ANKRD62: variants seen among roughly 807,000 people sequenced by gnomAD.
ANKRD62 encodes the protein ankyrin repeat domain-containing protein 62.
In ANKRD62, 61 loss-of-function variants were observed where a neutral mutation model predicts 98.8. The observed-to-expected ratio is 0.62, with a 90% CI of 0.50 to 0.76. The LOEUF (loss-of-function observed/expected upper bound fraction) is 0.76. Ranked by LOEUF, ANKRD62 falls within the 30% of genes least tolerant of loss-of-function variation. The probability of loss-of-function intolerance (pLI) is 0.00; values close to 1 mark genes in which losing one functional copy is unlikely to be tolerated. For synonymous variants in ANKRD62, 341 were observed against 367.9 expected (o/e 0.93, Z 0.84); for missense variants, 933 against 1,082.9 (o/e 0.86, Z 1.94).
At chr18:12,167,813 G>A in the ANKRD62 span, among the ~76,000 whole-genome samples, 1 of 152,178 alleles carries the variant, frequency 6.6e-6, no homozygotes, top group South Asian at 2.1e-4. Flanking sequence ...TGACTTTAAG[G>A]ATTGCCATTC....
intron 8 of ANKRD62, among the ~76,000 whole-genome samples, chr18:12,112,110 T>TGAAAAAA (rs1318094455): frequency 1.2e-5 from 1 of 81,870 alleles, no homozygotes; most frequent in Non-Finnish European, 2.1e-5. Flanking sequence ...AGACTCCAAC[T>TGAAAAAA]CAAAAAAAAA....
At chr18:12,158,673 A>G in the ANKRD62 span, among the ~76,000 whole-genome samples, 1 of 146,178 alleles carries the variant, frequency 6.8e-6, no homozygotes, top group Non-Finnish European at 1.5e-5. Context: ...ACAGGCGCCC[A>G]CCATCATGCC....
the ANKRD62 span, among the ~76,000 whole-genome samples, chr18:12,171,131 A>G: frequency 1.3e-5 from 2 of 152,128 alleles, no homozygotes; most frequent in South Asian, 2.1e-4. Context: ...CATTTAGCCC[A>G]TTTACATTTA....
intron 8 of ANKRD62, among the ~76,000 whole-genome samples, chr18:12,109,039 A>G (rs1356867760): frequency 6.6e-6 from 1 of 152,160 alleles, no homozygotes; most frequent in Non-Finnish European, 1.5e-5. Context: ...GGTGCACAGT[A>G]TGAGCTGTCA....
chr18:12,158,362 G>A, the ANKRD62 span, among the ~76,000 whole-genome samples: 6 of 152,110 alleles, frequency 3.9e-5, no homozygotes, highest in African/African-American at 1.4e-4. Context: ...GTTTCTGTCT[G>A]TTAACTATCA....
At chr18:12,171,502 G>A in the ANKRD62 span, among the ~76,000 whole-genome samples, 2 of 152,216 alleles carry the variant, frequency 1.3e-5, no homozygotes, top group Non-Finnish European at 2.9e-5. Context: ...TCTGCCGAGA[G>A]ATCCGCTGTT....
chr18:12,165,083 G>A, the ANKRD62 span, among the ~76,000 whole-genome samples: 1 of 151,792 alleles, frequency 6.6e-6, no homozygotes, highest in Non-Finnish European at 1.5e-5. Context: ...TCTGATATAA[G>A]TATAGCTATT....
At chr18:12,095,653 T>C in intron 3 of ANKRD62, 43 bp downstream of exon 3, 1 of 1,426,712 alleles carries the variant, frequency 7.0e-7, no homozygotes, top group Non-Finnish European at 9.2e-7. Context: ...TCAAGTATAT[T>C]TGTTTTACCA....
At chr18:12,094,276 G>A (rs2143887669) in intron 1 of ANKRD62, 41 bp downstream of exon 1, 1 of 1,469,468 alleles carries the variant, frequency 6.8e-7, no homozygotes. Context: ...TGGGGATATG[G>A]GAGAAGCCCC....
chr18:12,115,373 CAG>C lies in ANKRD62; in HGVS notation c.1099-19_1099-18del. 4.0e-6 allele frequency: 6 copies of C among 1,513,186 alleles called. No individual in the cohort carries two copies. Among genetic ancestry groups the C allele is most frequent in the African/African-American group, 1.4e-5 (1 of 72,170 alleles). The allele number at this position is 1,513,186 out of a possible 1,614,324, so 93.7% of individuals were successfully genotyped here. ...TAAATATTTCGAGGGCATTTTGAAA[CAG>C]TGTTATTTATTTTATAGGTTAAAAG... On this transcript the variant is annotated intron_variant, in intron 9 of 13. Coordinates refer to ENST00000587848, the MANE Select transcript of ANKRD62 (RefSeq NM_001277333.2).
the ANKRD62 span, among the ~76,000 whole-genome samples, chr18:12,161,362 A>G: frequency 6.6e-6 from 1 of 152,142 alleles, no homozygotes; most frequent in African/African-American, 2.4e-5. Context: ...ATTCTCTCAT[A>G]TAATACGCCA....
chr18:12,111,981 G>A (rs1909549797), intron 8 of ANKRD62, among the ~76,000 whole-genome samples: 1 of 151,824 alleles, frequency 6.6e-6, no homozygotes, highest in Non-Finnish European at 1.5e-5. Context: ...GTGGTGGCAG[G>A]CACCTGTAAT....
At chr18:12,132,623 T>A (rs541988955), downstream of ANKRD62, among the ~76,000 whole-genome samples, 12 of 152,254 alleles carry the variant, frequency 7.9e-5, no homozygotes, top group South Asian at 2.5e-3. Context: ...ATTTTAAAGA[T>A]GCCCTTTGAC....
the ANKRD62 span, among the ~76,000 whole-genome samples, chr18:12,139,530 C>A: frequency 6.6e-6 from 1 of 151,926 alleles, no homozygotes; most frequent in Admixed American, 6.6e-5. Context: ...CCTGTAGTCC[C>A]AGCTACTTGG....
At chr18:12,155,301 C>T in the ANKRD62 span, among the ~76,000 whole-genome samples, 1 of 152,218 alleles carries the variant, frequency 6.6e-6, no homozygotes, top group East Asian at 1.9e-4. Context: ...TGTGAGTCTC[C>T]ACATCCTTTT....
chr18:12,158,469 G>A, the ANKRD62 span, among the ~76,000 whole-genome samples: 1 of 152,156 alleles, frequency 6.6e-6, no homozygotes, highest in South Asian at 2.1e-4. Context: ...ATTGCAAATA[G>A]GATTACTTTT....
At chr18:12,118,826 A>C (rs962176177) in intron 10 of ANKRD62, among the ~76,000 whole-genome samples, 19 of 150,470 alleles carry the variant, frequency 1.3e-4, no homozygotes, top group African/African-American at 4.4e-4. Context: ...TTCAATTTTT[A>C]CATTCACGCT....
At chr18:12,115,635 A>T (rs930074356) in intron 10 of ANKRD62, 101 bp downstream of exon 10, 1 of 1,043,366 alleles carries the variant, frequency 9.6e-7, no homozygotes, top group Non-Finnish European at 1.3e-6. Context: ...TGTTATAGGG[A>T]TGTTCATCTC....
At chr18:12,135,405 G>A in the ANKRD62 span, among the ~76,000 whole-genome samples, 1 of 151,276 alleles carries the variant, frequency 6.6e-6, no homozygotes, top group Non-Finnish European at 1.5e-5. Context: ...GTATTCCATG[G>A]TGTATATATG....
Sources: allele counts gnomAD v4.1 joint callset (sites outside exome capture counted in the v4.1 genomes callset), GRCh38; gene constraint gnomAD v4.1.1; transcripts MANE v1.5; gene names NCBI Gene and HGNC (gene_info 2026-07-23, HGNC 2026-07-21).